The following COL14A1 variants were observed in gnomAD, a reference collection of about 807,000 sequenced individuals.
COL14A1 encodes collagen alpha-1(XIV) chain.
COL14A1 carries 136 observed loss-of-function variants against 230.3 expected under a neutral mutation model. That is an observed-to-expected ratio of 0.59 (90% CI 0.51 to 0.68). The LOEUF (loss-of-function observed/expected upper bound fraction) is 0.68. Among genes scored for constraint, COL14A1 ranks in the 30% least tolerant of loss-of-function variants. The pLI is 0.00. For synonymous variants in COL14A1, 792 were observed against 784.1 expected, an observed-to-expected ratio of 1.01 and a Z score of -0.17; for missense variants, 1,976 against 2,215.8, an observed-to-expected ratio of 0.89 and a Z score of 2.17.
chr8:120,218,403 G>A (rs759145390), intron 14 of COL14A1, among the ~76,000 whole-genome samples: 4 of 151,010 alleles, frequency 2.6e-5, no homozygotes, highest in Admixed American at 6.6e-5. Context: ...TTTACCTCCC[G>A]AATTCAAGTG....
chr8:120,233,394 G>A (rs974367588), intron 19 of COL14A1, among the ~76,000 whole-genome samples: 4 of 152,044 alleles, frequency 2.6e-5, no homozygotes, highest in African/African-American at 9.7e-5. Context: ...GATTTTTATG[G>A]TTTTATGTCT....
chr8:120,186,306 T>C (rs1816650759), intron 5 of COL14A1, among the ~76,000 whole-genome samples: 1 of 152,196 alleles, frequency 6.6e-6, no homozygotes, highest in African/African-American at 2.4e-5. Context: ...ACCAAATTCT[T>C]AGGGATTTTC....
intron 9 of COL14A1, 148 bp from the exon 10 acceptor site, chr8:120,206,795 A>G (rs1451268797): frequency 5.3e-5 from 40 of 756,294 alleles, no homozygotes; most frequent in Non-Finnish European, 1.4e-5. Flanking sequence ...GTTTGAATGA[A>G]CAAATGGATA....
chr8:120,211,184 T>C (rs959466064), intron 12 of COL14A1, among the ~76,000 whole-genome samples: 2 of 152,148 alleles, frequency 1.3e-5, no homozygotes, highest in Admixed American at 1.3e-4. Context: ...TAGGGAAACA[T>C]CTTGCAAGCA....
At chr8:120,370,603 C>T in intron 47 of COL14A1, 5 of 1,452,478 alleles carry the variant, frequency 3.4e-6, no homozygotes, top group Non-Finnish European at 4.5e-6. Context: ...TTTTAATAGA[C>T]ACTGACTGCT....
chr8:120,233,926 G>A (rs1324774017), intron 19 of COL14A1, among the ~76,000 whole-genome samples: 1 of 152,094 alleles, frequency 6.6e-6, no homozygotes, highest in South Asian at 2.1e-4. Flanking sequence ...CCATTTTTAT[G>A]ATATTGATTC....
At position 120,314,036 on chromosome 8, in the gene COL14A1, T is replaced by C. The variant is rs757311968; in HGVS notation, c.4551+9T>C. Reference sequence around the variant, plus strand: ...CCATTCAAGGAATGCCCGTGAGTTGTGTTCAAACATTCAGACGGGTTTTAT... The same window carrying C: ...CCATTCAAGGAATGCCCGTGAGTTGCGTTCAAACATTCAGACGGGTTTTAT... On this transcript the variant is annotated intron_variant, in intron 38 of 47. Coordinates refer to ENST00000297848, the MANE Select transcript of COL14A1 (RefSeq NM_021110.4). The C allele has an allele frequency of 1.3e-6, 2 of 1,578,102 alleles. No homozygotes were observed. The highest frequency in any genetic ancestry group is 1.7e-6 in the Non-Finnish European group (2 of 1,155,506).
At chr8:120,183,359 C>A (rs1297990148) in intron 5 of COL14A1, among the ~76,000 whole-genome samples, 3 of 152,144 alleles carry the variant, frequency 2.0e-5, no homozygotes, top group Non-Finnish European at 2.9e-5. Flanking sequence ...GCAGTTCAGC[C>A]AGTCACGGGG....
intron 2 of COL14A1, among the ~76,000 whole-genome samples, chr8:120,152,448 C>T (rs1272110666): frequency 2.6e-5 from 3 of 114,414 alleles, no homozygotes; most frequent in Non-Finnish European, 4.9e-5. Context: ...CCAGCTTGGG[C>T]GACACAGCGA....
At chr8:120,156,568 T>G (rs1218910698) in intron 2 of COL14A1, among the ~76,000 whole-genome samples, 1 of 152,220 alleles carries the variant, frequency 6.6e-6, no homozygotes, top group African/African-American at 2.4e-5. Flanking sequence ...GGGCAAGTGC[T>G]TTAGTTGCAC....
intron 26 of COL14A1, among the ~76,000 whole-genome samples, chr8:120,274,773 A>G (rs1053145891): frequency 3.3e-5 from 5 of 151,786 alleles, no homozygotes; most frequent in Non-Finnish European, 5.9e-5. Context: ...ATACCTAGGC[A>G]TATATTATAC....
In COL14A1 at chr8:120,360,835, G is replaced by A. The variant is rs537404495; in HGVS notation, c.5078-6336G>A. On this transcript the variant is annotated intron_variant, in intron 45 of 47. Transcript: ENST00000297848. ...TTCGCCTTCTCCAGGCTTTAGCTTCGTGGTGCTAGGTGTCCAGACCCCTTT... is the reference window on the plus strand; with the variant it reads ...TTCGCCTTCTCCAGGCTTTAGCTTCATGGTGCTAGGTGTCCAGACCCCTTT... Among the ~76,000 whole-genome samples the A allele has an allele frequency of 6.7e-4, 102 of 152,210 alleles. 1 individual carries two copies. Among genetic ancestry groups the A allele is most frequent in the South Asian group, 4.1e-3 (20 of 4,820 alleles).
At chr8:120,309,310 CT>C (rs1175722389) in intron 36 of COL14A1, among the ~76,000 whole-genome samples, 42 of 152,128 alleles carry the variant, frequency 2.8e-4, no homozygotes, top group African/African-American at 9.4e-4. Flanking sequence ...GCAAGCGATA[CT>C]TTTTTTCATT....
chr8:120,179,969 G>A (rs896076097), intron 5 of COL14A1, among the ~76,000 whole-genome samples: 2 of 152,100 alleles, frequency 1.3e-5, no homozygotes, highest in African/African-American at 4.8e-5. Context: ...CTATTTAATG[G>A]TGTTGGGAAA....
intron 5 of COL14A1, among the ~76,000 whole-genome samples, chr8:120,182,163 T>A (rs1255700844): frequency 1.3e-5 from 2 of 152,224 alleles, no homozygotes; most frequent in African/African-American, 4.8e-5. Context: ...ATCTTAACTC[T>A]GTCTGAAATA....
intron 5 of COL14A1, among the ~76,000 whole-genome samples, chr8:120,169,418 A>G (rs963527362): frequency 1.3e-5 from 2 of 152,120 alleles, no homozygotes; most frequent in Non-Finnish European, 2.9e-5. Flanking sequence ...AAATTCTCCA[A>G]TTATATATCA....
intron 5 of COL14A1, among the ~76,000 whole-genome samples, chr8:120,192,184 C>T (rs1398357503): frequency 5.9e-5 from 9 of 152,058 alleles, no homozygotes; most frequent in African/African-American, 1.7e-4. Context: ...TGGCTGGTAC[C>T]GGTTGTTCCT....
chr8:120,183,129 G>A lies in COL14A1; in HGVS notation c.437-13662G>A, dbSNP rs1816523267. Among the ~76,000 whole-genome samples the A allele has an allele frequency of 1.3e-5, 2 of 152,152 alleles. 1 individual carries two copies. The highest frequency in any genetic ancestry group is 4.8e-5 in the African/African-American group (2 of 41,422). ...TATTGTGGTAGAGTAGGAAGAGTTT[G>A]GAGAGGGTACATTACAGGAGATGGG... On this transcript the variant is annotated intron_variant, in intron 5 of 47. Transcript: ENST00000297848.
At chr8:120,241,766 G>A (rs1818615262) in intron 19 of COL14A1, among the ~76,000 whole-genome samples, 1 of 152,126 alleles carries the variant, frequency 6.6e-6, no homozygotes, top group Admixed American at 6.6e-5. Flanking sequence ...AGAGGACAAA[G>A]GCCCAGACAA....
Sources: allele counts gnomAD v4.1 joint callset (sites outside exome capture counted in the v4.1 genomes callset), GRCh38; gene constraint gnomAD v4.1.1; transcripts MANE v1.5; gene names NCBI Gene and HGNC (gene_info 2026-07-23, HGNC 2026-07-21).